Variants in ARMC2 observed in about 807,000 individuals in gnomAD.
ARMC2 encodes armadillo repeat-containing protein 2.
ARMC2 carries 67 observed loss-of-function variants against 90.3 expected under a neutral mutation model. That is an observed-to-expected ratio of 0.74 (90% CI 0.61 to 0.91). ARMC2 has a LOEUF of 0.91. Ranked by LOEUF, ARMC2 falls within the 40% of genes least tolerant of loss-of-function variation. ARMC2 has a pLI of 0.00. For missense variants in ARMC2, 920 were observed against 1,030.9 expected, an observed-to-expected ratio of 0.89 and a Z score of 1.47; for synonymous variants, 393 against 393.0, an observed-to-expected ratio of 1.00 and a Z score of 0.00.
intron 11 of ARMC2, among the ~76,000 whole-genome samples, chr6:108,933,472 C>A (rs1452319850): frequency 6.6e-6 from 1 of 152,094 alleles, no homozygotes; most frequent in South Asian, 2.1e-4. Flanking sequence ...TGGGCTGAGA[C>A]TGTGGGGTTT....
In ARMC2 at chr6:108,876,928, C is replaced by G. The variant is rs142402230; in HGVS notation, c.671+578C>G. On this transcript the variant is annotated intron_variant, in intron 5 of 17. Transcript: ENST00000392644. Reference sequence around the variant, plus strand: ...TCCTAGATAGGGTTTCCTTGAGAATCAATCTTCCTACCATATTAAGGATCT... The same window carrying G: ...TCCTAGATAGGGTTTCCTTGAGAATGAATCTTCCTACCATATTAAGGATCT... 5.2e-3 allele frequency among the ~76,000 whole-genome samples: 799 copies of G among 152,304 alleles called. 4 individuals are homozygous for G. The highest frequency in any genetic ancestry group is 0.018 in the African/African-American group (752 of 41,572).
chr6:108,858,536 A>C (rs1281791705), intron 3 of ARMC2, among the ~76,000 whole-genome samples: 2 of 151,626 alleles, frequency 1.3e-5, no homozygotes, highest in African/African-American at 4.8e-5. Flanking sequence ...AATATTTCAC[A>C]ATATTTTTGC....
intron 8 of ARMC2, among the ~76,000 whole-genome samples, chr6:108,909,362 A>T (rs1353001608): frequency 7.9e-5 from 12 of 151,782 alleles, no homozygotes; most frequent in Admixed American, 7.9e-4. Flanking sequence ...GATACTTAGG[A>T]TGTTTTTTAT....
chr6:108,907,638 T>C, intron 8 of ARMC2: 2 of 1,579,740 alleles, frequency 1.3e-6, no homozygotes, highest in Non-Finnish European at 1.7e-6. Flanking sequence ...CACTCGTGCT[T>C]GAGATGCTTG....
chr6:108,958,123 T>C (rs1479539186), intron 13 of ARMC2, among the ~76,000 whole-genome samples: 1 of 152,048 alleles, frequency 6.6e-6, no homozygotes, highest in East Asian at 1.9e-4. Context: ...TGGGAGATAA[T>C]TAGGTTTAGA....
At chr6:108,991,082 C>CAAA in the ARMC2 span, among the ~76,000 whole-genome samples, 1,689 of 149,798 alleles carry the variant, frequency 0.011, 32 homozygotes, top group African/African-American at 0.037. Context: ...AAAACAACAA[C>CAAA]AAAAAAAAAC....
At chr6:108,965,747 T>C (rs937367166) in intron 17 of ARMC2, among the ~76,000 whole-genome samples, 2 of 151,714 alleles carry the variant, frequency 1.3e-5, no homozygotes, top group East Asian at 3.9e-4. Context: ...TGGGCTCAAG[T>C]GATCCTCCTG....
At chr6:108,858,344 C>A (rs1239843721) in intron 3 of ARMC2, 73 bp downstream of exon 3, 1 of 1,126,042 alleles carries the variant, frequency 8.9e-7, no homozygotes, top group South Asian at 1.4e-5. Flanking sequence ...CACTTGGAAT[C>A]AGTACTTATA....
At chr6:108,906,328 G>A (rs143004556) in intron 8 of ARMC2, among the ~76,000 whole-genome samples, 2 of 152,182 alleles carry the variant, frequency 1.3e-5, no homozygotes, top group African/African-American at 4.8e-5. Flanking sequence ...ATTACCAACT[G>A]TGATGCTATA....
intron 5 of ARMC2, among the ~76,000 whole-genome samples, chr6:108,890,409 G>C (rs1466295632): frequency 6.6e-6 from 1 of 151,904 alleles, no homozygotes; most frequent in African/African-American, 2.4e-5. Context: ...GTACTAAGCA[G>C]AGTCATTGCA....
the ARMC2 span, among the ~76,000 whole-genome samples, chr6:109,048,637 C>G: frequency 5.1e-4 from 78 of 152,238 alleles, no homozygotes; most frequent in African/African-American, 1.9e-3. Flanking sequence ...TAGATGGCCA[C>G]AAGTAGGAGA....
intron 3 of ARMC2, among the ~76,000 whole-genome samples, chr6:108,860,520 A>G (rs147584423): frequency 0.012 from 1,793 of 151,912 alleles, 32 homozygotes; most frequent in African/African-American, 0.042. Context: ...AAATTAGCCG[A>G]GTGTGGTGGC....
At chr6:108,888,236 A>T (rs1770566070) in intron 5 of ARMC2, among the ~76,000 whole-genome samples, 1 of 152,228 alleles carries the variant, frequency 6.6e-6, no homozygotes, top group Non-Finnish European at 1.5e-5. Flanking sequence ...GACATCAGTG[A>T]TGACCACAGC....
chr6:108,964,172 C>A lies in ARMC2; in HGVS notation c.2153-8C>A. ...TTACTGGTCTGCATTTGCTCTCTTC[C>A]CTCGTAGTCCACAGGTTCATGATGG... On this transcript the variant is annotated splice_polypyrimidine_tract_variant and splice_region_variant and intron_variant, in intron 15 of 17. Transcript: ENST00000392644. The A allele has an allele frequency of 1.2e-6, 2 of 1,610,906 alleles. No individual in the cohort carries two copies. The highest frequency in any genetic ancestry group is 1.7e-6 in the Non-Finnish European group (2 of 1,178,850).
chr6:109,034,210 T>G, the ARMC2 span, among the ~76,000 whole-genome samples: 1 of 152,242 alleles, frequency 6.6e-6, no homozygotes, highest in African/African-American at 2.4e-5. Context: ...CCCATGACTT[T>G]ACTCCTCCTC....
the ARMC2 span, among the ~76,000 whole-genome samples, chr6:108,979,863 A>G: frequency 6.6e-6 from 1 of 151,562 alleles, no homozygotes; most frequent in African/African-American, 2.4e-5. Context: ...ATGTTCTTCT[A>G]TAAACTTATT....
intron 5 of ARMC2, among the ~76,000 whole-genome samples, chr6:108,890,189 CAAAAAAAAAAAAAAAAAA>C (rs869186045): frequency 3.3e-4 from 21 of 64,248 alleles, no homozygotes; most frequent in African/African-American, 1.1e-3. Context: ...GACTCCGTCT[CAAAAAAAAAAAAAAAAAA>C]AAAAAAAAAA....
intron 7 of ARMC2, among the ~76,000 whole-genome samples, chr6:108,900,774 C>T (rs1772058310): frequency 6.6e-6 from 1 of 152,154 alleles, no homozygotes; most frequent in South Asian, 2.1e-4. Flanking sequence ...GAGGAGTCAC[C>T]TAGACTCTGT....
rs569944074 is a variant in ARMC2, at chr6:108,915,141, A to G, written c.1350+2583A>G. ...CTAATTTTTTTTGTATTTTTAGTAG[A>G]GACAGGGTTTCACCATGTTGGCCAT... On this transcript the variant is annotated intron_variant, in intron 10 of 17. Coordinates refer to ENST00000392644, the MANE Select transcript of ARMC2 (RefSeq NM_032131.6). Among the ~76,000 whole-genome samples, 142 of 152,046 alleles carry G rather than the reference A, an allele frequency of 9.3e-4. 2 individuals are homozygous for G. In the South Asian group the frequency reaches 0.029, roughly 31 times the overall value.
Sources: allele counts gnomAD v4.1 joint callset (sites outside exome capture counted in the v4.1 genomes callset), GRCh38; gene constraint gnomAD v4.1.1; transcripts MANE v1.5; gene names NCBI Gene and HGNC (gene_info 2026-07-23, HGNC 2026-07-21).